The following SV2C variants were observed in gnomAD, a reference collection of about 807,000 sequenced individuals.
SV2C encodes synaptic vesicle glycoprotein 2C.
In SV2C, 49 loss-of-function variants were observed where a neutral mutation model predicts 79.7. The ratio of observed to expected loss-of-function variants is 0.61; its 90% confidence interval spans 0.49 to 0.78. SV2C has a LOEUF of 0.78. Ranked by LOEUF, SV2C falls within the 30% of genes least tolerant of loss-of-function variation. The pLI is 0.00. For missense variants in SV2C, 833 were observed against 912.9 expected, an observed-to-expected ratio of 0.91 and a Z score of 1.13; for synonymous variants, 334 against 333.2, an observed-to-expected ratio of 1.00 and a Z score of -0.03.
chr5:75,937,415 C>A, the SV2C span, among the ~76,000 whole-genome samples: 1 of 152,090 alleles, frequency 6.6e-6, no homozygotes, highest in Non-Finnish European at 1.5e-5. Context: ...AAAAAACGAG[C>A]CCTGGCTGGG....
chr5:76,275,502 G>C (rs377087436), intron 4 of SV2C, among the ~76,000 whole-genome samples: 2 of 147,112 alleles, frequency 1.4e-5, no homozygotes, highest in South Asian at 2.1e-4. Context: ...AAAAAAAAAC[G>C]AACACAAACA....
chr5:75,907,875 C>T, the SV2C span, among the ~76,000 whole-genome samples: 1,021 of 152,306 alleles, frequency 6.7e-3, 7 homozygotes, highest in African/African-American at 0.023. Context: ...GAGGAAGCCT[C>T]GCCTGAGAAC....
chr5:76,061,180 T>A, the SV2C span, among the ~76,000 whole-genome samples: 2 of 148,632 alleles, frequency 1.3e-5, no homozygotes, highest in Non-Finnish European at 3.0e-5. Flanking sequence ...TGCCAAAATG[T>A]GTCTCAGAGA....
In SV2C at chr5:76,285,842, C is replaced by T. The variant is rs1403316761; in HGVS notation, c.1109C>T (p.Ala370Val). ...TTAATTCATGACACCAACATGAGAGCCCGGGGTCAGCCTGAGAAGGTCTTC... is the reference window on the plus strand; with the variant it reads ...TTAATTCATGACACCAACATGAGAGTCCGGGGTCAGCCTGAGAAGGTCTTC... ...LKLIHDTNMR[A>V]RGQPEKVFTV... Residue 370 changes from alanine (A) to valine (V), a missense_variant, in exon 6 of 13, where the codon GCC becomes GTC. Coordinates refer to ENST00000502798, the MANE Select transcript of SV2C (RefSeq NM_014979.4). 1 of 1,614,060 alleles carries T rather than the reference C, an allele frequency of 6.2e-7. No homozygotes were observed. Among genetic ancestry groups the T allele is most frequent in the Non-Finnish European group, 8.5e-7 (1 of 1,179,966 alleles).
the SV2C span, among the ~76,000 whole-genome samples, chr5:75,938,309 A>G: frequency 6.6e-6 from 1 of 152,112 alleles, no homozygotes; most frequent in African/African-American, 2.4e-5. Flanking sequence ...TATATGCTCA[A>G]TAGAAGTGCA....
At chr5:75,973,064 A>ACTC in the SV2C span, among the ~76,000 whole-genome samples, 1 of 152,090 alleles carries the variant, frequency 6.6e-6, no homozygotes, top group African/African-American at 2.4e-5. Context: ...TTCTCAGCAA[A>ACTC]CTATTGCAAG....
intron 2 of SV2C, among the ~76,000 whole-genome samples, chr5:76,194,550 A>G (rs1744210930): frequency 6.6e-6 from 1 of 152,208 alleles, no homozygotes; most frequent in Non-Finnish European, 1.5e-5. Flanking sequence ...AGAGAAAAAT[A>G]TACCCTCCAC....
At chr5:76,065,494 C>T in the SV2C span, among the ~76,000 whole-genome samples, 3 of 152,150 alleles carry the variant, frequency 2.0e-5, no homozygotes, top group South Asian at 2.1e-4. Context: ...TTTAGTAAGC[C>T]GTCTGCCTAC....
chr5:75,927,672 C>T, the SV2C span, among the ~76,000 whole-genome samples: 1 of 152,074 alleles, frequency 6.6e-6, no homozygotes, highest in Non-Finnish European at 1.5e-5. Flanking sequence ...ACAATAACAA[C>T]AAACCCCCCA....
At chr5:75,953,655 C>T in the SV2C span, among the ~76,000 whole-genome samples, 1 of 151,878 alleles carries the variant, frequency 6.6e-6, no homozygotes, top group Non-Finnish European at 1.5e-5. Flanking sequence ...AGTGGACATC[C>T]AGAAGCAATG....
the SV2C span, among the ~76,000 whole-genome samples, chr5:76,026,221 C>CACAT: frequency 1.4e-5 from 2 of 141,012 alleles, no homozygotes; most frequent in African/African-American, 5.0e-5. Context: ...CACACACACA[C>CACAT]ACACACACAC....
intron 2 of SV2C, among the ~76,000 whole-genome samples, chr5:76,166,113 T>G (rs768137882): frequency 2.6e-5 from 4 of 152,256 alleles, no homozygotes; most frequent in Non-Finnish European, 4.4e-5. Context: ...ATATTGTTTC[T>G]GCTCTGTAGT....
chr5:76,248,100 T>G (rs974648946), intron 4 of SV2C, among the ~76,000 whole-genome samples: 6 of 152,188 alleles, frequency 3.9e-5, no homozygotes, highest in African/African-American at 1.4e-4. Flanking sequence ...ACTGGAAATA[T>G]TCTTAATGGA....
the SV2C span, among the ~76,000 whole-genome samples, chr5:76,045,030 A>C: frequency 4.6e-5 from 7 of 151,942 alleles, no homozygotes; most frequent in African/African-American, 1.7e-4. Flanking sequence ...ATTTTTTTCT[A>C]GGGTTATAGT....
chr5:76,111,138 A>G lies in SV2C; in HGVS notation c.-101-20512A>G, dbSNP rs1194840490. On this transcript the variant is annotated intron_variant, in intron 1 of 12. Transcript: ENST00000502798. ...GGAGTTGAATATTGCCTATATTAGA[A>G]TCTCTGTGTTATGCACCAGGTGAGG... is the stretch of plus-strand genomic sequence containing the variant. 2.6e-5 allele frequency among the ~76,000 whole-genome samples: 4 copies of G among 152,196 alleles called. No individual in the cohort carries two copies. In the East Asian group the frequency reaches 7.7e-4, roughly 29 times the overall value.
At chr5:75,930,656 G>A in the SV2C span, among the ~76,000 whole-genome samples, 4,222 of 152,242 alleles carry the variant, frequency 0.028, 141 homozygotes, top group African/African-American at 0.087. Flanking sequence ...TGATGATATG[G>A]AAGTTGGAAA....
intron 4 of SV2C, among the ~76,000 whole-genome samples, chr5:76,223,436 CATACATACATATATAT>C (rs1488619221): frequency 2.0e-5 from 1 of 49,584 alleles, no homozygotes; most frequent in African/African-American, 6.5e-5. Context: ...TCTTTATATA[CATACATACATATATAT>C]ATATATATAT....
At chr5:75,911,089 G>A in the SV2C span, 6 of 1,410,070 alleles carry the variant, frequency 4.3e-6, no homozygotes, top group South Asian at 4.6e-5. Flanking sequence ...ATGCAGCCCG[G>A]GGGAAGATAA....
At position 76,343,484 on chromosome 5, in the gene SV2C, T is replaced by C. The variant is rs544546538; in HGVS notation, c.2001-9646T>C. On this transcript the variant is annotated intron_variant, in intron 12 of 12. Transcript: ENST00000322285. Reference sequence around the variant, plus strand: ...AAAAGGTGCTCAATTTCATTAGTCGTGAAGGAAATGCAAATAAAACCATGG... The same window carrying C: ...AAAAGGTGCTCAATTTCATTAGTCGCGAAGGAAATGCAAATAAAACCATGG... Among the ~76,000 whole-genome samples the C allele has an allele frequency of 4.9e-4, 74 of 152,250 alleles. No individual in the cohort carries two copies. The South Asian group carries it at 9.3e-3, about 19-fold the overall frequency.
Sources: gnomAD v4.1 joint callset for allele counts (sites outside exome capture counted in the v4.1 genomes callset) on GRCh38, gnomAD v4.1.1 for gene constraint, MANE v1.5 for transcripts, NCBI Gene and HGNC (gene_info 2026-07-23, HGNC 2026-07-21) for gene names.